The following CCDC171 variants were observed in gnomAD, a reference collection of about 807,000 sequenced individuals.
CCDC171 encodes coiled-coil domain-containing protein 171.
Under a neutral mutation model 168.2 loss-of-function variants are expected in CCDC171, and 177 were observed. The ratio of observed to expected loss-of-function variants is 1.05; its 90% CI spans 0.93 to 1.19. The LOEUF (loss-of-function observed/expected upper bound fraction) is 1.19. Ranked by LOEUF, CCDC171 falls within the 50% of genes most tolerant of loss-of-function variation. The pLI is 0.00. For missense variants in CCDC171, 1,991 were observed against 1,539.0 expected (o/e 1.29, Z -4.91); for synonymous variants, 687 against 540.8 (o/e 1.27, Z -3.75).
chr9:15,587,183 G>T (rs940648339), intron 4 of CCDC171, among the ~76,000 whole-genome samples: 1 of 152,076 alleles, frequency 6.6e-6, no homozygotes, highest in Non-Finnish European at 1.5e-5. Context: ...GCCGGATGTT[G>T]GAGGACTCTT....
intron 11 of CCDC171, among the ~76,000 whole-genome samples, chr9:15,712,504 T>C (rs943883639): frequency 6.6e-6 from 1 of 152,244 alleles, no homozygotes; most frequent in Non-Finnish European, 1.5e-5. Context: ...AAATGCATTC[T>C]CTGATCAGAA....
intron 3 of CCDC171, among the ~76,000 whole-genome samples, chr9:15,986,653 A>G (rs1168278704): frequency 6.6e-6 from 1 of 152,222 alleles, no homozygotes; most frequent in Non-Finnish European, 1.5e-5. Context: ...CTGGAGATGG[A>G]GACCAACTTA....
At chr9:15,859,991 T>A (rs924899116) in intron 23 of CCDC171, among the ~76,000 whole-genome samples, 2 of 151,840 alleles carry the variant, frequency 1.3e-5, no homozygotes, top group Non-Finnish European at 2.9e-5. Context: ...TCTATTTTTT[T>A]TTTTTAATCA....
At chr9:15,707,060 G>GT (rs1298181841) in intron 11 of CCDC171, among the ~76,000 whole-genome samples, 1 of 152,146 alleles carries the variant, frequency 6.6e-6, no homozygotes, top group Non-Finnish European at 1.5e-5. Context: ...CTTGTAGCTG[G>GT]TATCTTTTTA....
chr9:15,561,108 C>T (rs1204868871), intron 1 of CCDC171, among the ~76,000 whole-genome samples: 1 of 152,156 alleles, frequency 6.6e-6, no homozygotes, highest in Non-Finnish European at 1.5e-5. Flanking sequence ...CCTATTTGGC[C>T]ATCTTGGAAC....
downstream of CCDC171, chr9:15,974,100 A>T (rs1831551209): frequency 6.6e-6 from 1 of 152,140 alleles, no homozygotes; most frequent in Admixed American, 6.6e-5. Flanking sequence ...CAAATTCAAA[A>T]TTCGTAAATT....
At chr9:15,955,498 G>T (rs1219795631) in intron 25 of CCDC171, among the ~76,000 whole-genome samples, 1 of 152,118 alleles carries the variant, frequency 6.6e-6, no homozygotes, top group Non-Finnish European at 1.5e-5. Flanking sequence ...CAAGTTATGT[G>T]CAAGCTGTTC....
At chr9:16,045,122 C>T (rs1180431268) in intron 1 of CCDC171, among the ~76,000 whole-genome samples, 1 of 152,154 alleles carries the variant, frequency 6.6e-6, no homozygotes, top group Non-Finnish European at 1.5e-5. Flanking sequence ...ATAAATTCCA[C>T]CTTACTCAGA....
intron 3 of CCDC171, among the ~76,000 whole-genome samples, chr9:16,009,534 A>T (rs1486373559): frequency 6.6e-6 from 1 of 152,196 alleles, no homozygotes; most frequent in Non-Finnish European, 1.5e-5. Flanking sequence ...TGGACCCGTT[A>T]TCTTTAAGCT....
intron 15 of CCDC171, among the ~76,000 whole-genome samples, chr9:15,728,298 C>T (rs187978807): frequency 1.2e-4 from 18 of 152,086 alleles, no homozygotes; most frequent in Admixed American, 1.1e-3. Context: ...GTATTAGCCA[C>T]AGGGACCTAA....
At chr9:15,966,566 G>C (rs1830808051) in intron 25 of CCDC171, among the ~76,000 whole-genome samples, 1 of 152,146 alleles carries the variant, frequency 6.6e-6, no homozygotes. Flanking sequence ...GTTGTGATGT[G>C]ATTCAGGTTT....
At chr9:15,870,634 AC>A (rs2061994740) in intron 23 of CCDC171, among the ~76,000 whole-genome samples, 2 of 151,734 alleles carry the variant, frequency 1.3e-5, no homozygotes, top group African/African-American at 4.8e-5. Flanking sequence ...TGGTAAAAAT[AC>A]AGCTAGTAAA....
intron 6 of CCDC171, among the ~76,000 whole-genome samples, chr9:16,026,852 CA>C (rs1330726739): frequency 2.8e-4 from 42 of 152,340 alleles, no homozygotes; most frequent in African/African-American, 8.7e-4. Flanking sequence ...TAGCATAACA[CA>C]ATTATGTGTA....
chr9:15,869,409 A>T (rs2061931909), intron 23 of CCDC171, among the ~76,000 whole-genome samples: 1 of 151,512 alleles, frequency 6.6e-6, no homozygotes. Context: ...GAACTGTCTA[A>T]TTTTTTTTAA....
intron 21 of CCDC171, among the ~76,000 whole-genome samples, chr9:15,809,794 A>G (rs190414584): frequency 2.4e-4 from 37 of 152,304 alleles, no homozygotes; most frequent in Admixed American, 2.2e-3. Flanking sequence ...AGCTTCCACA[A>G]TGTGGAAGAG....
intron 7 of CCDC171, among the ~76,000 whole-genome samples, chr9:15,648,012 A>G (rs1038767534): frequency 6.6e-6 from 1 of 152,216 alleles, no homozygotes; most frequent in African/African-American, 2.4e-5. Flanking sequence ...AATACTGGCA[A>G]ACCGAATCCA....
intron 23 of CCDC171, among the ~76,000 whole-genome samples, chr9:15,867,607 G>A (rs12336592): frequency 6.6e-6 from 1 of 151,982 alleles, no homozygotes; most frequent in South Asian, 2.1e-4. Context: ...CATATTGTTC[G>A]GTGTCATTCT....
At chr9:15,755,014 A>G (rs1277287167) in intron 18 of CCDC171, among the ~76,000 whole-genome samples, 1 of 152,176 alleles carries the variant, frequency 6.6e-6, no homozygotes, top group African/African-American at 2.4e-5. Context: ...ATTAGTATAT[A>G]AAGATCAAGG....
intron 21 of CCDC171, among the ~76,000 whole-genome samples, chr9:15,842,035 G>C (rs1441085982): frequency 2.0e-5 from 3 of 151,686 alleles, no homozygotes; most frequent in Non-Finnish European, 2.9e-5. Flanking sequence ...TAAAGGAACA[G>C]TCAGTCAGCA....
Sources: allele counts gnomAD v4.1 joint callset (sites outside exome capture counted in the v4.1 genomes callset), GRCh38; gene constraint gnomAD v4.1.1; transcripts MANE v1.5; gene names NCBI Gene and HGNC (gene_info 2026-07-23, HGNC 2026-07-21).